NUDC: variants seen among roughly 807,000 people sequenced by gnomAD.
NUDC encodes nuclear distribution C, dynein complex regulator.
Under a neutral mutation model 45.0 loss-of-function variants are expected in NUDC, and 14 were observed. The observed-to-expected ratio is 0.31, with a 90% CI of 0.21 to 0.49. The LOEUF (loss-of-function observed/expected upper bound fraction) is 0.49, where lower values mean the gene tolerates loss of function less well. Among genes scored for constraint, NUDC ranks in the 20% least tolerant of loss-of-function variants. The pLI is 0.99. For missense variants in NUDC, 323 were observed against 426.2 expected (o/e 0.76, Z 2.13); for synonymous variants, 153 against 156.7 (o/e 0.98, Z 0.17).
intron 3 of NUDC, 40 bp downstream of exon 3, chr1:26,941,700 C>T (rs745317597): frequency 8.1e-6 from 13 of 1,612,000 alleles, no homozygotes; most frequent in Non-Finnish European, 1.1e-5. Flanking sequence ...TCAGATCCCC[C>T]CTGGCACTGA....
chr1:26,920,776 C>CA (rs758430801), upstream of NUDC, among the ~76,000 whole-genome samples: 6,463 of 133,556 alleles, frequency 0.048, 315 homozygotes, highest in Admixed American at 0.14. Flanking sequence ...AAACAAAAAA[C>CA]AAAAAAAAAA....
intron 2 of NUDC, among the ~76,000 whole-genome samples, chr1:26,908,438 A>C (rs2124058726): frequency 6.6e-6 from 1 of 152,370 alleles, no homozygotes; most frequent in Non-Finnish European, 1.5e-5. Context: ...TGCTCAAGGC[A>C]AGGAAATAGG....
At chr1:26,915,724 G>A (rs2082058657) in intron 3 of NUDC, among the ~76,000 whole-genome samples, 1 of 152,206 alleles carries the variant, frequency 6.6e-6, no homozygotes, top group Non-Finnish European at 1.5e-5. Flanking sequence ...GGTCCTGGTT[G>A]TTAAATTCCA....
chr1:26,911,744 G>A (rs41303639), intron 3 of NUDC: 162 of 1,409,244 alleles, frequency 1.1e-4, no homozygotes, highest in Non-Finnish European at 1.5e-4. Flanking sequence ...GTCTATACAG[G>A]CTTGCCCCCT....
chr1:26,939,486 G>T (rs557700106), intron 2 of NUDC, among the ~76,000 whole-genome samples: 1 of 152,278 alleles, frequency 6.6e-6, no homozygotes, highest in Admixed American at 6.5e-5. Context: ...AATTAGCCAG[G>T]CATGGTGGCA....
chr1:26,941,666 G>A lies in NUDC; in HGVS notation c.363+6G>A, dbSNP rs2082277817. 2 of 1,612,472 alleles carry A rather than the reference G, an allele frequency of 1.2e-6. No individual in the cohort carries two copies. Among genetic ancestry groups the A allele is most frequent in the Non-Finnish European group, 1.7e-6 (2 of 1,179,250 alleles). ...TGCAGCTAGAGATTGACCAGGTGAA[G>A]GGTGGGCTTCCCTTCTCCACCCCTC... is the stretch of plus-strand genomic sequence containing the variant. On this transcript the variant is annotated splice_donor_region_variant and intron_variant, in intron 3 of 8. Coordinates refer to ENST00000321265, the MANE Select transcript of NUDC (RefSeq NM_006600.4).
intron 2 of NUDC, among the ~76,000 whole-genome samples, chr1:26,932,182 CT>C (rs879725360): frequency 1.2e-3 from 175 of 141,770 alleles, no homozygotes; most frequent in Non-Finnish European, 1.2e-3. Context: ...TTTTCTTTTT[CT>C]TTTTTTTTTT....
At chr1:26,931,645 G>A (rs896696703) in intron 2 of NUDC, among the ~76,000 whole-genome samples, 1 of 150,238 alleles carries the variant, frequency 6.7e-6, no homozygotes, top group Admixed American at 6.6e-5. Context: ...CGGGCATGGT[G>A]GCACTCTCCT....
At chr1:26,908,098 G>A (rs190189763) in intron 2 of NUDC, among the ~76,000 whole-genome samples, 47 of 152,196 alleles carry the variant, frequency 3.1e-4, no homozygotes, top group African/African-American at 1.0e-3. Context: ...GGAATTGCTT[G>A]AACCCGGGAG....
chr1:26,912,843 G>A (rs1483701568), intron 3 of NUDC, among the ~76,000 whole-genome samples: 1 of 152,180 alleles, frequency 6.6e-6, no homozygotes, highest in African/African-American at 2.4e-5. Context: ...AAAGGTCAGA[G>A]CAAATTTCTC....
rs755665481 is a variant in NUDC, at chr1:26,942,866, T to A, written c.547-5T>A. On this transcript the variant is annotated splice_polypyrimidine_tract_variant and splice_region_variant and intron_variant, in intron 5 of 8. Transcript: ENST00000321265. ...GCCTCTTCTGACTGCCTCTGCCCTA[T>A]GCAGCTGGCGGTCCCTTTCTGTGTG... 1.9e-6 allele frequency: 3 copies of A among 1,613,816 alleles called. No homozygotes were observed. Among genetic ancestry groups the A allele is most frequent in the Middle Eastern group, 1.7e-4 (1 of 5,796 alleles).
chr1:26,928,563 G>A (rs1346242570), intron 2 of NUDC, among the ~76,000 whole-genome samples: 1 of 152,164 alleles, frequency 6.6e-6, no homozygotes. Flanking sequence ...CAGGCCTTGT[G>A]GCACATGCCT....
chr1:26,913,780 C>G, intron 3 of NUDC: 2 of 1,558,118 alleles, frequency 1.3e-6, no homozygotes, highest in Non-Finnish European at 1.7e-6. Context: ...CCGGCAGGTG[C>G]GATGAGGTGC....
chr1:26,912,050 T>A (rs529771406), intron 3 of NUDC: 1 of 1,614,002 alleles, frequency 6.2e-7, no homozygotes, highest in Middle Eastern at 1.7e-4. Flanking sequence ...CTGCTGCAGG[T>A]GCCCAATGTG....
At position 26,913,598 on chromosome 1, in the gene NUDC, G is replaced by A. The variant is rs140901243; in HGVS notation, c.93+2363G>A. On this transcript the variant is annotated intron_variant, in intron 3 of 6. Coordinates refer to the NUDC transcript ENST00000435827. ...AGCAGAATCTTCTTGAGTATGCTGG[G>A]CACCGGGGCCTCAGCCACCTCAAAG... The A allele has an allele frequency of 1.2e-4, 186 of 1,614,050 alleles. No homozygotes were observed. In the African/African-American group the frequency reaches 2.2e-3, roughly 19 times the overall value.
chr1:26,921,561 G>A (rs959129391), upstream of NUDC, among the ~76,000 whole-genome samples: 2 of 152,192 alleles, frequency 1.3e-5, no homozygotes, highest in Non-Finnish European at 2.9e-5. Context: ...AAACTCTCGG[G>A]CCCACGGCTC....
intron 6 of NUDC, among the ~76,000 whole-genome samples, chr1:26,943,910 C>T (rs1341941311): frequency 6.6e-6 from 1 of 152,182 alleles, no homozygotes; most frequent in Non-Finnish European, 1.5e-5. Flanking sequence ...TCTGCACTTG[C>T]TTTGTCGCCC....
intron 3 of NUDC, among the ~76,000 whole-genome samples, chr1:26,916,597 T>C (rs1475362401): frequency 1.3e-5 from 2 of 152,034 alleles, no homozygotes; most frequent in Non-Finnish European, 2.9e-5. Context: ...TCCAAAGAGC[T>C]CTGATTTAAT....
At chr1:26,908,851 C>T (rs1447443031) in intron 2 of NUDC, among the ~76,000 whole-genome samples, 3 of 152,032 alleles carry the variant, frequency 2.0e-5, no homozygotes, top group South Asian at 4.1e-4. Flanking sequence ...AAGTGATTTT[C>T]GTGCCTCGGC....
Sources: gnomAD v4.1 joint callset for allele counts (sites outside exome capture counted in the v4.1 genomes callset) on GRCh38, gnomAD v4.1.1 for gene constraint, MANE v1.5 for transcripts, NCBI Gene and HGNC (gene_info 2026-07-23, HGNC 2026-07-21) for gene names.